The following POT1 variants were observed in gnomAD, a reference collection of about 807,000 sequenced individuals.
POT1 encodes the protein protection of telomeres protein 1.
Under a neutral mutation model 78.5 loss-of-function variants are expected in POT1, and 47 were observed. The observed-to-expected ratio is 0.60, with a 90% confidence interval of 0.47 to 0.76. The LOEUF (loss-of-function observed/expected upper bound fraction) is 0.76. POT1 is among the 30% of genes least tolerant of loss of function. The pLI is 0.00. For synonymous variants in POT1, 259 were observed against 260.7 expected, an observed-to-expected ratio of 0.99 and a Z score of 0.06; for missense variants, 646 against 749.9, an observed-to-expected ratio of 0.86 and a Z score of 1.62.
chr7:124,853,044 T>G lies in POT1; in HGVS notation c.797A>C (p.His266Pro). The G allele has an allele frequency of 6.2e-7, 1 of 1,613,014 alleles. No homozygotes were observed. Among genetic ancestry groups the G allele is most frequent in the Non-Finnish European group, 8.5e-7 (1 of 1,179,070 alleles). Reference sequence around the variant, plus strand: ...TCCCCGACCGTAACTGGTACCTCCATGAAGATGAAACTCTAAACTTAACAT... The same window carrying G: ...TCCCCGACCGTAACTGGTACCTCCAGGAAGATGAAACTCTAAACTTAACAT... Reference protein sequence around the residue: ...QTMLSLEFHLHGGTSYGRGIR... With the variant: ...QTMLSLEFHLPGGTSYGRGIR... Residue 266 changes from histidine (H) to proline (P), a missense_variant, in exon 10 of 19, where the codon CAT (histidine) becomes CCT (proline). His to Pro is a moderately conservative substitution (Grantham distance 77). Transcript: ENST00000357628.
At chr7:124,906,435 A>G (rs1365642420) in intron 3 of POT1, among the ~76,000 whole-genome samples, 3 of 147,414 alleles carry the variant, frequency 2.0e-5, no homozygotes, top group Admixed American at 1.4e-4. Context: ...TGGGAACTGA[A>G]CAATGAGAAC....
chr7:124,923,209 T>C (rs1386013627), intron 2 of POT1, among the ~76,000 whole-genome samples: 5 of 151,578 alleles, frequency 3.3e-5, no homozygotes, highest in Non-Finnish European at 1.5e-5. Flanking sequence ...GAATTCAAAA[T>C]AGTGATTTTA....
intron 9 of POT1, 192 bp from the exon 10 acceptor site, chr7:124,853,330 A>G: frequency 1.9e-6 from 1 of 520,242 alleles, no homozygotes; most frequent in African/African-American, 1.9e-5. Context: ...AAAACTAAAT[A>G]TATGGACATG....
At chr7:124,862,590 T>G (rs1365427673) in intron 8 of POT1, among the ~76,000 whole-genome samples, 2 of 152,194 alleles carry the variant, frequency 1.3e-5, no homozygotes, top group African/African-American at 4.8e-5. Context: ...AACTTCTCTG[T>G]TTTTTAATAT....
At chr7:124,851,391 T>A (rs1295685576) in intron 11 of POT1, among the ~76,000 whole-genome samples, 1 of 152,186 alleles carries the variant, frequency 6.6e-6, no homozygotes, top group African/African-American at 2.4e-5. Flanking sequence ...ATTTGACTAG[T>A]CACTTATTCA....
At chr7:124,880,747 G>T (rs894490209) in intron 6 of POT1, among the ~76,000 whole-genome samples, 2 of 151,944 alleles carry the variant, frequency 1.3e-5, no homozygotes, top group Non-Finnish European at 2.9e-5. Context: ...TGCTTTTGCA[G>T]AATCTTTGTG....
chr7:124,928,088 A>G (rs897290964), intron 2 of POT1, among the ~76,000 whole-genome samples: 1 of 152,138 alleles, frequency 6.6e-6, no homozygotes, highest in Non-Finnish European at 1.5e-5. Context: ...TAACGCATGG[A>G]AAAAAATGCA....
At chr7:124,851,073 A>G (rs1483465767) in intron 11 of POT1, among the ~76,000 whole-genome samples, 9 of 152,088 alleles carry the variant, frequency 5.9e-5, no homozygotes, top group Non-Finnish European at 1.3e-4. Context: ...CAGGAGGTCG[A>G]GACCAGTCTG....
chr7:124,885,548 T>C (rs1211455468), intron 6 of POT1, among the ~76,000 whole-genome samples: 1 of 151,832 alleles, frequency 6.6e-6, no homozygotes, highest in East Asian at 1.9e-4. Context: ...AGGTGGATCA[T>C]GAGGTCAGGA....
intron 2 of POT1, among the ~76,000 whole-genome samples, chr7:124,924,923 C>G (rs1168884133): frequency 6.6e-6 from 1 of 151,768 alleles, no homozygotes; most frequent in Non-Finnish European, 1.5e-5. Flanking sequence ...CCATTCATGA[C>G]AAAAATCCTC....
At chr7:124,843,812 T>C (rs773543111) in intron 12 of POT1, among the ~76,000 whole-genome samples, 1 of 152,220 alleles carries the variant, frequency 6.6e-6, no homozygotes, top group Non-Finnish European at 1.5e-5. Flanking sequence ...AGACAATTCC[T>C]TTCAGTACTG....
chr7:124,904,995 G>C (rs761179793), intron 3 of POT1, among the ~76,000 whole-genome samples: 1 of 152,102 alleles, frequency 6.6e-6, no homozygotes, highest in Non-Finnish European at 1.5e-5. Context: ...AATAAAAGAG[G>C]ACACAAACAA....
chr7:124,861,948 G>C (rs147980604), intron 8 of POT1, among the ~76,000 whole-genome samples: 1 of 152,064 alleles, frequency 6.6e-6, no homozygotes, highest in Non-Finnish European at 1.5e-5. Flanking sequence ...CCTCTGTTCC[G>C]TTCCACTGGT....
At chr7:124,894,042 C>CATATTTGCATATT (rs1796435880) in intron 5 of POT1, among the ~76,000 whole-genome samples, 1 of 151,474 alleles carries the variant, frequency 6.6e-6, no homozygotes, top group Admixed American at 6.6e-5. Flanking sequence ...TTTACAAGGA[C>CATATTTGCATATT]ATGTTTGCAT....
rs551675581 is a variant in POT1 at position 124,852,899 on chromosome 7, C to T, written c.869+73G>A. 2.0e-5 allele frequency: 27 copies of T among 1,370,152 alleles called. No individual in the cohort carries two copies. The South Asian group carries it at 3.6e-4, about 18-fold the overall frequency. The allele number at this position is 1,370,152 out of a possible 1,614,324, so 84.9% of individuals were successfully genotyped here. ...AAAGGCTAGGGAACTATCAGAAGCC[C>T]CAGGAACAATATTATCTTAGAAATC... On this transcript the variant is annotated intron_variant, in intron 10 of 18. Coordinates refer to ENST00000357628, the MANE Select transcript of POT1 (RefSeq NM_015450.3).
intron 3 of POT1, among the ~76,000 whole-genome samples, chr7:124,907,437 C>T (rs988751801): frequency 2.0e-5 from 3 of 152,094 alleles, no homozygotes; most frequent in African/African-American, 4.8e-5. Context: ...AACTGCTTCA[C>T]CCCCCACAAA....
chr7:124,866,250 A>G (rs79156317), intron 7 of POT1, among the ~76,000 whole-genome samples: 1 of 24,418 alleles, frequency 4.1e-5, no homozygotes, highest in South Asian at 1.3e-3. Flanking sequence ...TTGATAAAAC[A>G]TGTGTAGAAT....
chr7:124,846,484 C>T (rs1196042731), intron 12 of POT1, among the ~76,000 whole-genome samples: 2 of 151,788 alleles, frequency 1.3e-5, no homozygotes, highest in Admixed American at 6.6e-5. Context: ...ACTTGATAGA[C>T]ACACTATCAT....
rs185183733 is a variant in POT1 at position 124,875,845 on chromosome 7, A to G, written c.125-4804T>C. On this transcript the variant is annotated intron_variant, in intron 6 of 18. Coordinates refer to ENST00000357628, the MANE Select transcript of POT1 (RefSeq NM_015450.3). ...ACGTTATTCTGGGACATGACTGAGG[A>G]CCATTCCATTTTGCTAAAATGACTT... Among the ~76,000 whole-genome samples the G allele has an allele frequency of 3.9e-5, 6 of 152,308 alleles. No individual in the cohort carries two copies. The East Asian group carries it at 1.2e-3, about 29-fold the overall frequency.
Sources: allele counts gnomAD v4.1 joint callset (sites outside exome capture counted in the v4.1 genomes callset), GRCh38; gene constraint gnomAD v4.1.1; transcripts MANE v1.5; gene names NCBI Gene and HGNC (gene_info 2026-07-23, HGNC 2026-07-21).